Variants in TMEM45A observed in about 807,000 individuals in gnomAD.
TMEM45A encodes transmembrane protein 45A.
Under a neutral mutation model 32.0 loss-of-function variants are expected in TMEM45A, and 25 were observed. The observed-to-expected ratio is 0.78, with a 90% CI of 0.57 to 1.09. TMEM45A has a LOEUF of 1.09. Ranked by LOEUF, TMEM45A falls within the 50% of genes least tolerant of loss-of-function variation. The probability of loss-of-function intolerance (pLI) is 0.00; values close to 1 mark genes in which losing one functional copy is unlikely to be tolerated. For missense variants in TMEM45A, 302 were observed against 325.0 expected (o/e 0.93, Z 0.54); for synonymous variants, 122 against 114.8 (o/e 1.06, Z -0.40).
intron 1 of TMEM45A, among the ~76,000 whole-genome samples, chr3:100,554,624 T>G (rs1706176554): frequency 6.6e-6 from 1 of 152,250 alleles, no homozygotes; most frequent in African/African-American, 2.4e-5. Context: ...CACTAATTGT[T>G]TCTTCCATAC....
chr3:100,522,524 G>A (rs1705455422), intron 1 of TMEM45A, among the ~76,000 whole-genome samples: 1 of 152,188 alleles, frequency 6.6e-6, no homozygotes, highest in Admixed American at 6.5e-5. Context: ...CTTCTTAAAA[G>A]TCCTAACTCT....
At chr3:100,558,698 A>G in intron 4 of TMEM45A, 109 bp downstream of exon 4, 1 of 1,115,528 alleles carries the variant, frequency 9.0e-7, no homozygotes, top group Non-Finnish European at 1.3e-6. Flanking sequence ...TACTGCCTGT[A>G]GTAAGATCAT....
At chr3:100,518,880 G>A (rs1705359892) in intron 1 of TMEM45A, among the ~76,000 whole-genome samples, 1 of 152,142 alleles carries the variant, frequency 6.6e-6, no homozygotes, top group African/African-American at 2.4e-5. Flanking sequence ...TAAGCTGGCT[G>A]GTCAAATAAT....
chr3:100,543,882 G>A (rs919500702), intron 1 of TMEM45A, among the ~76,000 whole-genome samples: 3 of 152,040 alleles, frequency 2.0e-5, no homozygotes, highest in Non-Finnish European at 2.9e-5. Flanking sequence ...GCACAACCTT[G>A]GATATTTTAG....
chr3:100,571,568 T>A (rs1706560468), intron 5 of TMEM45A: 1 of 152,162 alleles, frequency 6.6e-6, no homozygotes, highest in African/African-American at 2.4e-5. Flanking sequence ...AGAATGAAGT[T>A]TTTGTATGAT....
At chr3:100,560,998 T>G (rs9866409) in intron 4 of TMEM45A, among the ~76,000 whole-genome samples, 3,739 of 152,208 alleles carry the variant, frequency 0.025, 142 homozygotes, top group African/African-American at 0.085. Flanking sequence ...TTTAGAAAAT[T>G]TTTCATCTAC....
rs760842538 is a variant in TMEM45A at position 100,555,278 on chromosome 3, A to G, written c.67A>G (p.Thr23Ala). 6.2e-7 allele frequency: 1 copy of G among 1,613,954 alleles called. No homozygotes were observed. The highest frequency in any genetic ancestry group is 1.7e-4 in the Middle Eastern group (1 of 6,056). ...FFFIIGLWWC[T>A]KSILKYICKK... ...TTTTATTATTGGTCTTTGGTGGTGT[A>G]CAAAGAGTATTCTGAAGTATATCTG... The change falls in exon 2 of 6, where the codon ACA (threonine) becomes GCA (alanine). Residue 23 changes from threonine to alanine, a missense_variant. By Grantham distance (58) the Thr-to-Ala change is moderately conservative. Transcript: ENST00000323523.
intron 1 of TMEM45A, among the ~76,000 whole-genome samples, chr3:100,513,385 T>C (rs1377273090): frequency 6.6e-6 from 1 of 151,364 alleles, no homozygotes; most frequent in East Asian, 1.9e-4. Flanking sequence ...CACATGATTA[T>C]CTCAATAGAT....
intron 1 of TMEM45A, among the ~76,000 whole-genome samples, chr3:100,548,822 C>A (rs1706031959): frequency 6.6e-6 from 1 of 152,192 alleles, no homozygotes; most frequent in African/African-American, 2.4e-5. Context: ...AAGAGCATCC[C>A]AAATGCTTTG....
At chr3:100,503,038 C>G (rs1198928976) in intron 1 of TMEM45A, among the ~76,000 whole-genome samples, 1 of 151,630 alleles carries the variant, frequency 6.6e-6, no homozygotes, top group Non-Finnish European at 1.5e-5. Flanking sequence ...CCTCCTCCTT[C>G]TTCTTCTCCT....
chr3:100,533,781 G>T (rs887486446), intron 1 of TMEM45A, among the ~76,000 whole-genome samples: 27 of 152,092 alleles, frequency 1.8e-4, no homozygotes, highest in African/African-American at 6.3e-4. Flanking sequence ...AACTTTACTT[G>T]TATTATGTCT....
At chr3:100,534,328 G>A (rs888634067) in intron 1 of TMEM45A, among the ~76,000 whole-genome samples, 3 of 152,188 alleles carry the variant, frequency 2.0e-5, no homozygotes, top group African/African-American at 7.2e-5. Flanking sequence ...CAGGATTTGG[G>A]GCTGGAGAGA....
intron 4 of TMEM45A, among the ~76,000 whole-genome samples, chr3:100,562,004 A>G (rs1021337592): frequency 1.3e-5 from 2 of 152,258 alleles, no homozygotes; most frequent in African/African-American, 2.4e-5. Flanking sequence ...ACATTTGCTT[A>G]GGCTTTTAGT....
At chr3:100,514,059 A>G (rs1444701306) in intron 1 of TMEM45A, among the ~76,000 whole-genome samples, 1 of 152,230 alleles carries the variant, frequency 6.6e-6, no homozygotes, top group Non-Finnish European at 1.5e-5. Flanking sequence ...GCCCAAGGTA[A>G]TTTATAGATT....
chr3:100,576,831 A>G, intron 5 of TMEM45A, 94 bp from the exon 6 acceptor site: 1 of 1,009,814 alleles, frequency 9.9e-7, no homozygotes, highest in Non-Finnish European at 1.5e-6. Flanking sequence ...CCAGTTGCCC[A>G]AATAATCTAG....
chr3:100,495,060 C>G (rs1707903417), intron 1 of TMEM45A, among the ~76,000 whole-genome samples: 1 of 152,234 alleles, frequency 6.6e-6, no homozygotes, highest in African/African-American at 2.4e-5. Context: ...CCAGCCTGCA[C>G]TGTTGCACAT....
chr3:100,528,506 A>G (rs939371147), intron 1 of TMEM45A, among the ~76,000 whole-genome samples: 4 of 152,214 alleles, frequency 2.6e-5, no homozygotes, highest in African/African-American at 9.7e-5. Context: ...GGTGAAATCA[A>G]GGGACAGAGG....
intron 5 of TMEM45A, chr3:100,572,893 C>CAAAG (rs1162602468): frequency 6.6e-6 from 1 of 150,412 alleles, no homozygotes; most frequent in African/African-American, 2.4e-5. Context: ...TCAGGTTTGT[C>CAAAG]AAAGATCAGA....
At chr3:100,556,432 C>T (rs1014979075) in intron 2 of TMEM45A, among the ~76,000 whole-genome samples, 1 of 152,160 alleles carries the variant, frequency 6.6e-6, no homozygotes, top group Non-Finnish European at 1.5e-5. Flanking sequence ...GAGTTGTCTC[C>T]CAAATTCAAA....
Sources: gnomAD v4.1 joint callset for allele counts (sites outside exome capture counted in the v4.1 genomes callset) on GRCh38, gnomAD v4.1.1 for gene constraint, MANE v1.5 for transcripts, NCBI Gene and HGNC (gene_info 2026-07-23, HGNC 2026-07-21) for gene names.